Variants in PHF8 observed in about 807,000 individuals in gnomAD.
The protein encoded by PHF8 is PHD finger protein 8.
In PHF8, 9 loss-of-function variants were observed where a neutral mutation model predicts 74.4. That is an observed-to-expected ratio of 0.12 (90% CI 0.07 to 0.21). The LOEUF (loss-of-function observed/expected upper bound fraction) is 0.21, where lower values mean the gene tolerates loss of function less well. Among genes scored for constraint, PHF8 ranks in the 10% least tolerant of loss-of-function variants. PHF8 has a pLI of 1.00. For missense variants in PHF8, 478 were observed against 816.6 expected, an observed-to-expected ratio of 0.59 and a Z score of 5.05; for synonymous variants, 311 against 316.6, an observed-to-expected ratio of 0.98 and a Z score of 0.19.
rs2066603480 is a variant in PHF8, at chrX:54,043,773, C to A, written c.-104G>T. 1.4e-6 allele frequency: 1 copy of A among 740,013 alleles called. No homozygotes were observed. Among genetic ancestry groups the A allele is most frequent in the Non-Finnish European group, 1.6e-6 (1 of 626,246 alleles). The allele number at this position is 740,013 out of a possible 1,213,427, so 61.0% of individuals were successfully genotyped here. ...CCCCCAAAACTTACAGGAATCTTAA[C>A]GCTTCCCCAACTGACAGGAACCTCC... On this transcript the variant is annotated 5_prime_UTR_variant, in exon 1 of 22. Transcript: ENST00000338154.
intron 20 of PHF8, chrX:53,943,197 A>T: frequency 1.1e-6 from 1 of 913,263 alleles, no homozygotes; most frequent in Non-Finnish European, 1.4e-6. Flanking sequence ...ATTGGGATAT[A>T]CATAAGAGAC....
At chrX:54,026,071 T>G (rs782683237) in intron 2 of PHF8, among the ~76,000 whole-genome samples, 2 of 111,581 alleles carry the variant, frequency 1.8e-5, no homozygotes, top group Non-Finnish European at 3.8e-5. Flanking sequence ...ATATTTGGAT[T>G]GGCCAGGCAC....
intron 19 of PHF8, among the ~76,000 whole-genome samples, chrX:53,949,235 T>C (rs782754231): frequency 1.8e-5 from 2 of 109,716 alleles, no homozygotes; most frequent in Admixed American, 9.7e-5. Flanking sequence ...CTTGGGAAGC[T>C]TAGGCAGGAG....
intron 19 of PHF8, among the ~76,000 whole-genome samples, chrX:53,961,831 G>A (rs1021714314): frequency 9.0e-6 from 1 of 110,930 alleles, no homozygotes; most frequent in Admixed American, 9.7e-5. Flanking sequence ...TGCAGTAATG[G>A]CCTTCAGTGT....
At chrX:53,980,377 C>T (rs781825874) in intron 18 of PHF8, among the ~76,000 whole-genome samples, 9 of 110,982 alleles carry the variant, frequency 8.1e-5, no homozygotes, top group South Asian at 3.8e-4. Context: ...TACAGAGAGA[C>T]GTCATGGGCG....
upstream of PHF8, among the ~76,000 whole-genome samples, chrX:54,048,292 T>C (rs1557117747): frequency 2.7e-5 from 3 of 111,097 alleles, no homozygotes; most frequent in African/African-American, 9.8e-5. Context: ...AGACCCTGTG[T>C]GTACCCTTAG....
At chrX:53,993,480 T>C in intron 13 of PHF8, 121 bp downstream of exon 13, 2 of 558,918 alleles carry the variant, frequency 3.6e-6, no homozygotes, top group Non-Finnish European at 6.1e-6. Context: ...GTGGGACTGG[T>C]AGCCAAACAG....
At chrX:53,987,994 C>T in intron 14 of PHF8, 50 bp from the exon 15 acceptor site, 1 of 972,916 alleles carries the variant, frequency 1.0e-6, no homozygotes, top group Non-Finnish European at 1.5e-6. Flanking sequence ...TTGTTAGTCG[C>T]TAGCAAGATT....
At chrX:53,948,141 A>AG (rs1397914551) in intron 19 of PHF8, among the ~76,000 whole-genome samples, 2 of 111,913 alleles carry the variant, frequency 1.8e-5, no homozygotes, top group Non-Finnish European at 3.8e-5. Flanking sequence ...GGGTTTTGGG[A>AG]GGGAAAAAAA....
In PHF8 at chrX:54,017,552, A is replaced by AT. The variant is rs368214961; in HGVS notation, c.454+108dup. 1,029 of 663,997 alleles carry AT rather than the reference A, an allele frequency of 1.5e-3. 8 individuals are homozygous for AT. In the African/African-American group the frequency reaches 0.019, roughly 13 times the overall value. 54.7% of individuals were successfully genotyped at this position (663,997 alleles called of 1,213,427 possible). ...CTTTGGACAAGGCATTTCACCTGAG[A>AT]TTCCCAAGATGGTTACAGAGGAAAT... On this transcript the variant is annotated intron_variant, in intron 5 of 21. Transcript: ENST00000338154.
intron 18 of PHF8, among the ~76,000 whole-genome samples, chrX:53,967,600 C>G (rs1303431944): frequency 8.8e-6 from 1 of 114,199 alleles, no homozygotes; most frequent in East Asian, 2.8e-4. Context: ...GGCCACCACC[C>G]CATCTGGGAG....
chrX:54,026,787 T>C (rs1197629645), intron 2 of PHF8, among the ~76,000 whole-genome samples: 3 of 110,271 alleles, frequency 2.7e-5, no homozygotes, highest in Non-Finnish European at 5.7e-5. Flanking sequence ...GTGTGTTTTA[T>C]AGAGAGGGGG....
At position 54,042,568 on chromosome X, in the gene PHF8, A is replaced by AAG. The variant is rs1279279356; in HGVS notation, c.98+61_98+62dup. ...AATCTAAAAACAGAGCTGAGAAAGG[A>AAG]AGAGAGAGCAAGTGAACACACCTGG... On this transcript the variant is annotated intron_variant, in intron 2 of 21. Coordinates refer to ENST00000338154, the MANE Select transcript of PHF8 (RefSeq NM_015107.3). The AAG allele has an allele frequency of 2.5e-5, 24 of 963,407 alleles. No individual in the cohort carries two copies. In the African/African-American group the frequency reaches 4.6e-4, roughly 19 times the overall value. The allele number at this position is 963,407 out of a possible 1,213,427, so 79.4% of individuals were successfully genotyped here. A position where few individuals can be genotyped will look rare whatever the true frequency, so the allele number is the denominator to read the frequency against.
intron 18 of PHF8, among the ~76,000 whole-genome samples, chrX:53,976,089 C>T (rs1401483901): frequency 7.3e-5 from 8 of 109,586 alleles, no homozygotes; most frequent in East Asian, 2.9e-4. Context: ...CCAAGGAGGG[C>T]GATCACTTGA....
chrX:53,944,081 C>A, intron 20 of PHF8, 53 bp downstream of exon 20: 1 of 742,487 alleles, frequency 1.3e-6, no homozygotes, highest in African/African-American at 2.0e-5. Flanking sequence ...AGTGTTGAGG[C>A]TCTAAGTCAA....
At chrX:54,033,165 G>C (rs2066391038) in intron 2 of PHF8, among the ~76,000 whole-genome samples, 1 of 110,892 alleles carries the variant, frequency 9.0e-6, no homozygotes, top group Non-Finnish European at 1.9e-5. Flanking sequence ...CGCAGTGTCT[G>C]AGAAGGCCTG....
chrX:54,017,563 G>T, intron 5 of PHF8, 98 bp downstream of exon 5: 2 of 728,858 alleles, frequency 2.7e-6, no homozygotes, highest in Non-Finnish European at 4.3e-6. Context: ...TTCCCAAGAT[G>T]GTTACAGAGG....
intron 19 of PHF8, among the ~76,000 whole-genome samples, chrX:53,957,458 T>C (rs1235289326): frequency 9.1e-6 from 1 of 110,216 alleles, no homozygotes; most frequent in Non-Finnish European, 1.9e-5. Context: ...GAGGCAGAGG[T>C]TGCAGTGAGC....
At chrX:54,015,597 A>AAAG (rs1374745783) in intron 6 of PHF8, among the ~76,000 whole-genome samples, 2 of 104,900 alleles carry the variant, frequency 1.9e-5, no homozygotes, top group African/African-American at 6.9e-5. Flanking sequence ...AAAAAAAAAA[A>AAAG]CACAACAGCA....
Sources: gnomAD v4.1 joint callset for allele counts (sites outside exome capture counted in the v4.1 genomes callset) on GRCh38, gnomAD v4.1.1 for gene constraint, MANE v1.5 for transcripts, NCBI Gene and HGNC (gene_info 2026-07-23, HGNC 2026-07-21) for gene names.